The following TULP4 variants were observed in gnomAD, a reference collection of about 807,000 sequenced individuals.
The protein encoded by TULP4 is tubby-related protein 4.
Under a neutral mutation model 129.0 loss-of-function variants are expected in TULP4, and 16 were observed. The observed-to-expected ratio is 0.12, with a 90% CI of 0.08 to 0.19. The LOEUF is 0.19. Among genes scored for constraint, TULP4 ranks in the 10% least tolerant of loss-of-function variants. TULP4 has a pLI of 1.00. For missense variants in TULP4, 1,842 were observed against 2,059.1 expected, an observed-to-expected ratio of 0.89 and a Z score of 2.04; for synonymous variants, 998 against 854.0, an observed-to-expected ratio of 1.17 and a Z score of -2.94.
chr6:158,479,411 G>A (rs1462605897), intron 6 of TULP4, among the ~76,000 whole-genome samples: 2 of 152,098 alleles, frequency 1.3e-5, no homozygotes, highest in Non-Finnish European at 2.9e-5. Flanking sequence ...CTGGCCTGGG[G>A]ACCTAATTAC....
At chr6:158,410,631 G>A (rs1350292718) in intron 1 of TULP4, among the ~76,000 whole-genome samples, 3 of 152,184 alleles carry the variant, frequency 2.0e-5, no homozygotes, top group Non-Finnish European at 4.4e-5. Context: ...ATGCACATTT[G>A]TGGATTCTAG....
intron 12 of TULP4, among the ~76,000 whole-genome samples, chr6:158,499,288 C>T (rs926099117): frequency 6.6e-6 from 1 of 152,160 alleles, no homozygotes; most frequent in African/African-American, 2.4e-5. Context: ...CTGCCGTGTC[C>T]AGGACGCAAA....
At chr6:158,316,477 A>G (rs1047030109) in intron 1 of TULP4, among the ~76,000 whole-genome samples, 6 of 152,194 alleles carry the variant, frequency 3.9e-5, no homozygotes, top group Non-Finnish European at 5.9e-5. Flanking sequence ...AACTTTTTCC[A>G]TTAAAAACAG....
At chr6:158,295,477 A>T (rs1779010460) in intron 1 of TULP4, among the ~76,000 whole-genome samples, 1 of 103,120 alleles carries the variant, frequency 9.7e-6, no homozygotes, top group Admixed American at 9.1e-5. Flanking sequence ...TTCTCAAATT[A>T]AAAAAAAAAC....
At chr6:158,278,941 G>T (rs57819250), upstream of TULP4, among the ~76,000 whole-genome samples, 5,474 of 123,342 alleles carry the variant, frequency 0.044, 120 homozygotes, top group African/African-American at 0.069. Flanking sequence ...GTTTTTTTTT[G>T]TTTTTTTTTT....
upstream of TULP4, among the ~76,000 whole-genome samples, chr6:158,309,233 C>T (rs371631985): frequency 1.2e-4 from 14 of 117,886 alleles, no homozygotes; most frequent in African/African-American, 2.8e-4. Flanking sequence ...CGGGCAGAGA[C>T]GCTCCTCACC....
chr6:158,321,121 TC>T (rs1779618924), intron 1 of TULP4, among the ~76,000 whole-genome samples: 3 of 152,192 alleles, frequency 2.0e-5, no homozygotes, highest in African/African-American at 4.8e-5. Flanking sequence ...TGAAATGAAC[TC>T]CTCAATGACC....
intron 2 of TULP4, 67 bp from the exon 3 acceptor site, chr6:158,429,669 C>G: frequency 6.5e-7 from 1 of 1,533,750 alleles, no homozygotes; most frequent in Non-Finnish European, 8.9e-7. Flanking sequence ...ATGACTATGT[C>G]TAGACTTTGA....
intron 1 of TULP4, among the ~76,000 whole-genome samples, chr6:158,300,264 C>G (rs555220382): frequency 6.6e-6 from 1 of 152,320 alleles, no homozygotes; most frequent in African/African-American, 2.4e-5. Context: ...GTTCCAGCTT[C>G]CCAGGTATTG....
At chr6:158,405,267 A>G (rs556873332) in intron 1 of TULP4, among the ~76,000 whole-genome samples, 1 of 152,376 alleles carries the variant, frequency 6.6e-6, no homozygotes, top group African/African-American at 2.4e-5. Flanking sequence ...AAAATCATTT[A>G]TAACACACCT....
intron 1 of TULP4, among the ~76,000 whole-genome samples, chr6:158,296,124 C>A (rs1165371032): frequency 1.3e-5 from 2 of 151,680 alleles, no homozygotes; most frequent in Admixed American, 1.3e-4. Flanking sequence ...TAAGATCCTT[C>A]CTTCCCCTTC....
At chr6:158,461,450 T>A (rs964436368) in intron 5 of TULP4, 113 bp from the exon 6 acceptor site, 2 of 992,354 alleles carry the variant, frequency 2.0e-6, no homozygotes, top group Non-Finnish European at 2.9e-6. Flanking sequence ...AATATATTTT[T>A]GTTGTATTTG....
intron 1 of TULP4, among the ~76,000 whole-genome samples, chr6:158,236,795 CTTTTTTTTTTTTTTTTTTTT>C (rs71030149): frequency 1.1e-4 from 7 of 63,302 alleles, no homozygotes; most frequent in Admixed American, 1.4e-4. Context: ...CAATTCTTTT[CTTTTTTTTTTTTTTTTTTTT>C]TTTTTTTTTT....
chr6:158,305,515 T>C (rs562215425), intron 1 of TULP4, among the ~76,000 whole-genome samples: 1 of 151,292 alleles, frequency 6.6e-6, no homozygotes, highest in African/African-American at 2.4e-5. Flanking sequence ...GCCTGGGCAA[T>C]ATAATAAGAC....
At chr6:158,396,195 T>C (rs1435034917) in intron 1 of TULP4, among the ~76,000 whole-genome samples, 2 of 152,210 alleles carry the variant, frequency 1.3e-5, no homozygotes, top group East Asian at 3.8e-4. Flanking sequence ...TTAGCTGCCA[T>C]TATTATTATT....
chr6:158,237,210 G>A, intron 1 of TULP4: 1 of 729,068 alleles, frequency 1.4e-6, no homozygotes, highest in Non-Finnish European at 2.4e-6. Flanking sequence ...TGAAACACAA[G>A]GAATTATTTA....
chr6:158,461,423 A>G (rs200920076), intron 5 of TULP4, 140 bp from the exon 6 acceptor site: 112 of 801,282 alleles, frequency 1.4e-4, no homozygotes, highest in South Asian at 3.7e-4. Context: ...AAAAAAAAAA[A>G]AAAGGAAAAA....
chr6:158,367,456 AT>A (rs1776946346), intron 1 of TULP4, among the ~76,000 whole-genome samples: 3 of 152,196 alleles, frequency 2.0e-5, no homozygotes, highest in Admixed American at 2.0e-4. Flanking sequence ...TGCAGTTAGC[AT>A]TTTTTGAAAA....
intron 1 of TULP4, among the ~76,000 whole-genome samples, chr6:158,298,947 A>C (rs1395337163): frequency 6.6e-6 from 1 of 152,222 alleles, no homozygotes; most frequent in Non-Finnish European, 1.5e-5. Flanking sequence ...GATCAGCATC[A>C]AAAAGAGGGA....
Sources: allele counts gnomAD v4.1 joint callset (sites outside exome capture counted in the v4.1 genomes callset), GRCh38; gene constraint gnomAD v4.1.1; transcripts MANE v1.5; gene names NCBI Gene and HGNC (gene_info 2026-07-23, HGNC 2026-07-21).